The following TUB variants were observed in gnomAD, a reference collection of about 807,000 sequenced individuals.
TUB encodes the protein tubby protein homolog.
A neutral mutation model predicts 59.7 loss-of-function variants in TUB; 33 were observed. The observed-to-expected ratio is 0.55, with a 90% CI of 0.42 to 0.74. The LOEUF (loss-of-function observed/expected upper bound fraction) is 0.74. Ranked by LOEUF, TUB falls within the 30% of genes least tolerant of loss-of-function variation. TUB has a pLI of 0.00. For missense variants in TUB, 659 were observed against 672.0 expected (o/e 0.98, Z 0.21); for synonymous variants, 293 against 256.4 (o/e 1.14, Z -1.36).
chr11:8,022,008 T>G (rs954474574), intron 1 of TUB, among the ~76,000 whole-genome samples: 1 of 152,104 alleles, frequency 6.6e-6, no homozygotes, highest in Non-Finnish European at 1.5e-5. Flanking sequence ...TCTTTTCTTC[T>G]CACCCTGACA....
intron 3 of TUB, among the ~76,000 whole-genome samples, chr11:8,092,800 C>T (rs1197243087): frequency 1.3e-5 from 2 of 152,152 alleles, no homozygotes. Context: ...CACTCCCACC[C>T]CGCCTACAGC....
rs149151250 is a variant in TUB at position 8,097,306 on chromosome 11, C to G, written c.766C>G (p.Leu256Val). The G allele has an allele frequency of 4.3e-6, 7 of 1,614,180 alleles. No homozygotes were observed. The East Asian group carries it at 1.6e-4, about 36-fold the overall frequency. Residue 256 changes from leucine (L) to valine (V), a missense_variant, in exon 7 of 12, where the codon CTG (leucine) becomes GTG (valine). Physicochemically the swap from Leu to Val is conservative, Grantham distance 32 (BLOSUM62 1). Transcript: ENST00000299506. ...VEVQDLEEFALRPAPQGITIK... is the reference protein window; with the variant it reads ...VEVQDLEEFAVRPAPQGITIK... ...GGTCCAGGATCTTGAGGAGTTTGCA[C>G]TGAGGCCGGCCCCCCAGGGTATCAC...
At chr11:8,098,209 G>A (rs1002335417) in intron 8 of TUB, among the ~76,000 whole-genome samples, 2 of 152,110 alleles carry the variant, frequency 1.3e-5, no homozygotes, top group African/African-American at 2.4e-5. Flanking sequence ...CTTGGGGGTG[G>A]GGGGCAGTGG....
At position 8,103,447 on chromosome 11, in the gene TUB, G is replaced by GT. The variant is rs2133934999; in HGVS notation, c.*1832dup. The stretch of plus-strand genomic sequence containing the variant: ...GTTAGGCTTTATAGGTGAAGGACTT[G>GT]TTTTGACTTAAGTAGAAGTAATATG... On this transcript the variant is annotated 3_prime_UTR_variant, in exon 12 of 12. Coordinates refer to ENST00000299506, the MANE Select transcript of TUB (RefSeq NM_177972.3). 6.6e-6 allele frequency: 1 copy of GT among 152,532 alleles called. No individual in the cohort carries two copies. Among genetic ancestry groups the GT allele is most frequent in the South Asian group, 2.1e-4 (1 of 4,826 alleles). The allele number at this position is 152,532 out of a possible 1,614,324, so 9.4% of individuals were successfully genotyped here.
At chr11:8,044,381 G>A (rs1157140385) in intron 2 of TUB, among the ~76,000 whole-genome samples, 1 of 152,118 alleles carries the variant, frequency 6.6e-6, no homozygotes, top group East Asian at 1.9e-4. Flanking sequence ...CTTGAAGCTT[G>A]ACTTGCATCT....
chr11:8,075,301 G>T (rs1243812638), intron 2 of TUB, among the ~76,000 whole-genome samples: 2 of 152,182 alleles, frequency 1.3e-5, no homozygotes, highest in Non-Finnish European at 2.9e-5. Flanking sequence ...CCATCATCTG[G>T]TTTTCTCTGG....
At chr11:8,028,286 GTTGT>G (rs1418430345) in intron 1 of TUB, among the ~76,000 whole-genome samples, 3 of 152,046 alleles carry the variant, frequency 2.0e-5, no homozygotes, top group African/African-American at 7.2e-5. Context: ...TTTTAATTAG[GTTGT>G]TTGTCTTTTT....
chr11:8,095,466 G>A, intron 4 of TUB, 32 bp from the exon 5 acceptor site: 1 of 1,581,212 alleles, frequency 6.3e-7, no homozygotes, highest in Non-Finnish European at 8.6e-7. Flanking sequence ...TCCTCCTCCT[G>A]GATGTAACTC....
intron 2 of TUB, among the ~76,000 whole-genome samples, chr11:8,054,500 G>T (rs1327840711): frequency 1.3e-5 from 2 of 152,156 alleles, no homozygotes; most frequent in African/African-American, 4.8e-5. Flanking sequence ...GTAGGGAACA[G>T]TTGTGGGCCC....
chr11:8,049,570 T>C (rs1320094919), intron 2 of TUB, among the ~76,000 whole-genome samples: 1 of 88,214 alleles, frequency 1.1e-5, no homozygotes, highest in Non-Finnish European at 2.3e-5. Flanking sequence ...GGTATATATA[T>C]ATATATATAT....
chr11:8,030,584 G>A (rs1225290562), intron 1 of TUB, among the ~76,000 whole-genome samples: 1 of 152,164 alleles, frequency 6.6e-6, no homozygotes, highest in Non-Finnish European at 1.5e-5. Context: ...TTGGGGAGTG[G>A]GGTTCAGAAG....
At position 8,101,479 on chromosome 11, in the gene TUB, G is replaced by A. The variant is rs1385743663; in HGVS notation, c.1388-7G>A. The A allele has an allele frequency of 6.8e-6, 11 of 1,614,090 alleles. No homozygotes were observed. Among genetic ancestry groups the A allele is most frequent in the Non-Finnish European group, 9.3e-6 (11 of 1,180,016 alleles). On this transcript the variant is annotated splice_polypyrimidine_tract_variant and splice_region_variant and intron_variant, in intron 11 of 11. Coordinates refer to ENST00000299506, the MANE Select transcript of TUB (RefSeq NM_177972.3). ...TTTTCTCTGTCTGTGCCTGTGCTTG[G>A]CCCCAGCGGACTACATCGTGATGCA...
chr11:8,039,375 C>T, intron 1 of TUB: 1 of 453,206 alleles, frequency 2.2e-6, no homozygotes. Flanking sequence ...CTGCCTGTCT[C>T]CCCACCCCCC....
intron 1 of TUB, chr11:8,039,456 G>A (rs916490960): frequency 1.4e-5 from 6 of 419,410 alleles, no homozygotes; most frequent in South Asian, 6.7e-5. Context: ...CCTGCCATCC[G>A]GGGCCCACAG....
At chr11:8,089,377 G>C (rs1943728223) in intron 1 of TUB, among the ~76,000 whole-genome samples, 1 of 152,138 alleles carries the variant, frequency 6.6e-6, no homozygotes, top group Non-Finnish European at 1.5e-5. Flanking sequence ...GGGAGTCCCT[G>C]GGGAAACAGG....
intron 3 of TUB, among the ~76,000 whole-genome samples, chr11:8,090,795 C>A (rs1431080126): frequency 6.6e-6 from 1 of 151,750 alleles, no homozygotes; most frequent in Non-Finnish European, 1.5e-5. Flanking sequence ...GGGAGAAATT[C>A]TCTGCAGCTC....
At chr11:8,073,667 C>A (rs73396783) in intron 2 of TUB, among the ~76,000 whole-genome samples, 1 of 152,158 alleles carries the variant, frequency 6.6e-6, no homozygotes, top group African/African-American at 2.4e-5. Context: ...GTGAAACAAA[C>A]CCCTCCTGGA....
upstream of TUB, chr11:8,077,103 C>T (rs1943463034): frequency 6.6e-6 from 1 of 152,228 alleles, no homozygotes; most frequent in Non-Finnish European, 1.5e-5. Flanking sequence ...CATCTTTGTC[C>T]TGGACTTTAC....
At chr11:8,058,237 AG>A (rs1481510440) in intron 2 of TUB, among the ~76,000 whole-genome samples, 3 of 150,704 alleles carry the variant, frequency 2.0e-5, no homozygotes, top group Non-Finnish European at 3.0e-5. Context: ...AAAAAAAAAA[AG>A]AAGCGGTATA....
Sources: allele counts gnomAD v4.1 joint callset (sites outside exome capture counted in the v4.1 genomes callset), GRCh38; gene constraint gnomAD v4.1.1; transcripts MANE v1.5; gene names NCBI Gene and HGNC (gene_info 2026-07-23, HGNC 2026-07-21).